Variants in SEPTIN3 observed in about 807,000 individuals in gnomAD.
SEPTIN3 encodes the protein septin 3.
In SEPTIN3, 15 loss-of-function variants were observed where a neutral mutation model predicts 45.1. The observed-to-expected ratio is 0.33, with a 90% CI of 0.22 to 0.51. The LOEUF (loss-of-function observed/expected upper bound fraction) is 0.51, where lower values mean the gene tolerates loss of function less well. SEPTIN3 is among the 20% of genes least tolerant of loss of function. The pLI is 0.97. For missense variants in SEPTIN3, 289 were observed against 457.2 expected (o/e 0.63, Z 3.35); for synonymous variants, 148 against 164.8 (o/e 0.90, Z 0.78).
intron 3 of SEPTIN3, among the ~76,000 whole-genome samples, chr22:41,985,343 C>T (rs1187439207): frequency 6.6e-6 from 1 of 152,236 alleles, no homozygotes; most frequent in East Asian, 1.9e-4. Flanking sequence ...TCACAGGACA[C>T]TAAGGCTTCT....
At chr22:41,993,142 TTGA>T (rs1271335773) in intron 9 of SEPTIN3, among the ~76,000 whole-genome samples, 1 of 152,224 alleles carries the variant, frequency 6.6e-6, no homozygotes, top group African/African-American at 2.4e-5. Flanking sequence ...TGGGCGGGTC[TTGA>T]TGATTCTGAA....
rs2078124164 is a variant in SEPTIN3, at chr22:41,981,729, T to G, written c.1589T>G (p.Met530Arg). ...AAGCCAGCGGTGCCCATGAAGCCCATGAGCATCAACTCCAACCTGCTGGGC... is the reference window on the plus strand; with the variant it reads ...AAGCCAGCGGTGCCCATGAAGCCCAGGAGCATCAACTCCAACCTGCTGGGC... ...RPKPAVPMKPMSINSNLLGYI... is the reference protein window; with the variant it reads ...RPKPAVPMKPRSINSNLLGYI... The change falls in exon 3 of 12, where the codon ATG becomes AGG. Residue 530 changes from methionine (M) to arginine (R), a missense_variant. Transcript: ENST00000644076. 1 of 1,614,086 alleles carries G rather than the reference T, an allele frequency of 6.2e-7. No homozygotes were observed. Among genetic ancestry groups the G allele is most frequent in the Non-Finnish European group, 8.5e-7 (1 of 1,179,998 alleles).
At chr22:41,995,847 T>C (rs2078425571) in intron 11 of SEPTIN3, 1 of 876,324 alleles carries the variant, frequency 1.1e-6, no homozygotes, top group Non-Finnish European at 1.4e-6. Flanking sequence ...GAAGCACACA[T>C]GCTAGTCATG....
Position 41,994,944 on chromosome 22 carries a change from C to G in SEPTIN3, c.2505+230C>G, listed in dbSNP as rs930971863. 1.8e-5 allele frequency: 26 copies of G among 1,422,442 alleles called. No individual in the cohort carries two copies. The African/African-American group carries it at 3.4e-4, about 18-fold the overall frequency. The allele number at this position is 1,422,442 out of a possible 1,614,324, so 88.1% of individuals were successfully genotyped here. On this transcript the variant is annotated intron_variant, in intron 11 of 11. Coordinates refer to ENST00000644076, the MANE Select transcript of SEPTIN3 (RefSeq NM_001363845.2). The surrounding 1 kb of genome is among the most constrained non-coding windows in gnomAD (Gnocchi z 4.2). ...GTGTGACAGAGAGAGAGCGAGAGAG[C>G]CTGTGTGTGTGCATGCAGGGGTGAG...
At chr22:41,993,637 T>G (rs941483270) in intron 9 of SEPTIN3, among the ~76,000 whole-genome samples, 1 of 152,202 alleles carries the variant, frequency 6.6e-6, no homozygotes, top group Admixed American at 6.5e-5. Context: ...ATTACAGATG[T>G]GAACCACCAT....
chr22:41,971,774 C>A lies in SEPTIN3; in HGVS notation c.282C>A (p.Ser94Arg), dbSNP rs953570738. 1.5e-5 allele frequency: 6 copies of A among 399,148 alleles called. No individual in the cohort carries two copies. Among genetic ancestry groups the A allele is most frequent in the African/African-American group, 1.2e-4 (6 of 48,624 alleles). The allele number at this position is 399,148 out of a possible 1,614,324, so 24.7% of individuals were successfully genotyped here. The change falls in exon 2 of 12, where the codon AGC becomes AGA. Residue 94 changes from serine to arginine, a missense_variant. Ser to Arg is a moderately radical substitution (Grantham distance 110). Around this residue, in one of 3 missense-constraint regions of SEPTIN3, gnomAD observed 200 missense variants for 315.1 expected, o/e 0.63. Coordinates refer to ENST00000644076, the MANE Select transcript of SEPTIN3 (RefSeq NM_001363845.2). ...ETGIALGASL[S>R]PLPTSSLVPR... ...GCATCGCTCTGGGGGCTTCCTTGAG[C>A]CCCCTGCCCACCAGCAGCCTTGTAC...
In SEPTIN3 at chr22:41,987,240, C is replaced by T. The variant is rs77263193; in HGVS notation, c.1860C>T (p.Thr620=). 52 of 1,613,638 alleles carry T rather than the reference C, an allele frequency of 3.2e-5. No individual in the cohort carries two copies. The African/African-American group carries it at 4.1e-4, about 13-fold the overall frequency. ...IEEGGVKMKL[T]VIDTPGFGDQ... is the part of the protein sequence containing the mutation. ...AAGGCGGTGTCAAAATGAAGCTGAC[C>T]GTCATCGACACCCCAGGCTTTGGAG... Residue 620 remains threonine, a synonymous_variant, in exon 5 of 12, where the codon ACC becomes ACT. Coordinates refer to ENST00000644076, the MANE Select transcript of SEPTIN3 (RefSeq NM_001363845.2).
At chr22:41,993,387 CA>C (rs2078356284) in intron 9 of SEPTIN3, among the ~76,000 whole-genome samples, 1 of 151,828 alleles carries the variant, frequency 6.6e-6, no homozygotes. Flanking sequence ...TGCAGTGGCG[CA>C]ATCTCAGCTC....
At chr22:41,988,646 T>C (rs1224311810) in intron 6 of SEPTIN3, among the ~76,000 whole-genome samples, 4 of 152,128 alleles carry the variant, frequency 2.6e-5, no homozygotes, top group Non-Finnish European at 4.4e-5. Context: ...GAATGAACCA[T>C]CAGACAGACT....
In SEPTIN3 at chr22:41,987,714, C is replaced by T. The variant is rs1397371645; in HGVS notation, c.2000C>T (p.Thr667Ile). Reference protein sequence around the residue: ...NIARKKRIPDTRVHCCLYFIS... With the variant: ...NIARKKRIPDIRVHCCLYFIS... Reference sequence around the variant, plus strand: ...GCCAGGAAGAAACGCATCCCTGACACTCGTGTCCACTGCTGCCTTTACTTC... The same window carrying T: ...GCCAGGAAGAAACGCATCCCTGACATTCGTGTCCACTGCTGCCTTTACTTC... The change falls in exon 6 of 12, where the codon ACT becomes ATT. Residue 667 changes from threonine (T) to isoleucine (I), a missense_variant. Thr to Ile is a moderately conservative substitution (Grantham distance 89). Transcript: ENST00000644076. The T allele has an allele frequency of 6.2e-7, 1 of 1,614,096 alleles. No homozygotes were observed. The highest frequency in any genetic ancestry group is 8.5e-7 in the Non-Finnish European group (1 of 1,179,964).
Position 41,976,836 on chromosome 22 carries a change from G to T in SEPTIN3, c.1504+3840G>T. 6.6e-6 allele frequency: 1 copy of T among 150,532 alleles called. No homozygotes were observed. The highest frequency in any genetic ancestry group is 1.7e-4 in the South Asian group (1 of 5,728). The allele number at this position is 150,532 out of a possible 1,614,324, so 9.3% of individuals were successfully genotyped here. A position where few individuals can be genotyped will look rare whatever the true frequency, so the allele number is the denominator to read the frequency against. ...GCGGCGGCAACGGTGCGCGCGGACA[G>T]GGGCGGCGCGGCGCCGAGCGAGCCG... On this transcript the variant is annotated intron_variant, in intron 2 of 11. Coordinates refer to ENST00000644076, the MANE Select transcript of SEPTIN3 (RefSeq NM_001363845.2). This position sits in a 1 kb window ranked among gnomAD's most constrained non-coding sequence, Gnocchi z 5.8.
At position 41,971,799 on chromosome 22, in the gene SEPTIN3, C is replaced by T; in HGVS notation, c.307C>T (p.Pro103Ser). The T allele has an allele frequency of 7.5e-6, 3 of 399,354 alleles. No homozygotes were observed. Among genetic ancestry groups the T allele is most frequent in the Non-Finnish European group, 1.3e-5 (3 of 226,324 alleles). 24.7% of individuals were successfully genotyped at this position (399,354 alleles called of 1,614,324 possible). A position where few individuals can be genotyped will look rare whatever the true frequency, so the allele number is the denominator to read the frequency against. Residue 103 changes from proline (P) to serine (S), a missense_variant, in exon 2 of 12, where the codon CCC becomes TCC. Around this residue, in one of 3 missense-constraint regions of SEPTIN3, gnomAD observed 200 missense variants for 315.1 expected, o/e 0.63. Transcript: ENST00000644076. The stretch of plus-strand genomic sequence containing the variant: ...CCCCCTGCCCACCAGCAGCCTTGTA[C>T]CCAGGAAGCTCAGCTCCATCTCCTT... Reference protein sequence around the residue: ...LSPLPTSSLVPRKLSSISLTL... With the variant: ...LSPLPTSSLVSRKLSSISLTL...
At chr22:41,980,431 C>T (rs772529277) in intron 2 of SEPTIN3, among the ~76,000 whole-genome samples, 5 of 152,198 alleles carry the variant, frequency 3.3e-5, no homozygotes, top group East Asian at 3.9e-4. Context: ...CCACCGCGCC[C>T]GGCCATTGCT....
Position 41,997,111 on chromosome 22 carries a change from T to G in SEPTIN3, c.*144T>G. The G allele has an allele frequency of 6.9e-7, 1 of 1,458,188 alleles. No individual in the cohort carries two copies. The highest frequency in any genetic ancestry group is 9.2e-7 in the Non-Finnish European group (1 of 1,088,514). The allele number at this position is 1,458,188 out of a possible 1,614,324, so 90.3% of individuals were successfully genotyped here. On this transcript the variant is annotated 3_prime_UTR_variant, in exon 12 of 12. Transcript: ENST00000644076. ...TAGGTGGGAGGGGCCAGCTGCCTCT[T>G]TAGGCCAGTTGCATCCTCCATTTAT... is the stretch of plus-strand genomic sequence containing the variant.
chr22:41,981,917 A>G lies in SEPTIN3; in HGVS notation c.1696+81A>G, dbSNP rs2078128377. The G allele has an allele frequency of 3.1e-6, 4 of 1,275,216 alleles. No individual in the cohort carries two copies. In the Admixed American group the frequency reaches 7.8e-5, roughly 25 times the overall value. The allele number at this position is 1,275,216 out of a possible 1,614,324, so 79.0% of individuals were successfully genotyped here. A position where few individuals can be genotyped will look rare whatever the true frequency, so the allele number is the denominator to read the frequency against. ...CATTTCTTTCCCCCAAATGGCTGTG[A>G]CCCTGGCTCTTCTAAGATGAGCTGT... On this transcript the variant is annotated intron_variant, in intron 3 of 11. Coordinates refer to ENST00000644076, the MANE Select transcript of SEPTIN3 (RefSeq NM_001363845.2).
chr22:41,970,370 T>C (rs767512440), intron 1 of SEPTIN3, among the ~76,000 whole-genome samples: 7 of 152,142 alleles, frequency 4.6e-5, no homozygotes, highest in Non-Finnish European at 8.8e-5. Flanking sequence ...TCTACCCCTG[T>C]GCAATGCAGC....
rs993492297 is a variant in SEPTIN3 at position 41,976,906 on chromosome 22, G to T, written c.1504+3910G>T. On this transcript the variant is annotated intron_variant, in intron 2 of 11. Transcript: ENST00000644076. This position sits in a 1 kb window ranked among gnomAD's most constrained non-coding sequence, Gnocchi z 5.8. The stretch of plus-strand genomic sequence containing the variant: ...GCGCGGCGGCGCGGGGCGCAGGGGC[G>T]GCGCGGCGGGGCCGCGGGCCGGGCG... 22 of 289,656 alleles carry T rather than the reference G, an allele frequency of 7.6e-5. No individual in the cohort carries two copies. Among genetic ancestry groups the T allele is most frequent in the African/African-American group, 4.6e-4 (20 of 43,462 alleles). The allele number at this position is 289,656 out of a possible 1,614,324, so 17.9% of individuals were successfully genotyped here. A position where few individuals can be genotyped will look rare whatever the true frequency, so the allele number is the denominator to read the frequency against.
intron 2 of SEPTIN3, chr22:41,981,349 G>T: frequency 2.9e-6 from 1 of 342,224 alleles, no homozygotes. Flanking sequence ...TGGGTTAGAT[G>T]CACAGATGTG....
intron 9 of SEPTIN3, among the ~76,000 whole-genome samples, chr22:41,993,044 T>C (rs935561964): frequency 6.6e-6 from 1 of 152,170 alleles, no homozygotes; most frequent in Non-Finnish European, 1.5e-5. Context: ...GAGAAAGGTT[T>C]TCATAGGAAG....
Sources: gnomAD v4.1 joint callset for allele counts (sites outside exome capture counted in the v4.1 genomes callset) on GRCh38, gnomAD v4.1.1 for gene constraint, gnomAD v4.1.1 regional missense constraint, Gnocchi (gnomAD v3.1) non-coding constraint, MANE v1.5 for transcripts, NCBI Gene and HGNC (gene_info 2026-07-23, HGNC 2026-07-21) for gene names.